Variants in PIGK observed in about 807,000 individuals in gnomAD.
The protein encoded by PIGK is phosphatidylinositol glycan anchor biosynthesis class K, also known as GPI-anchor transamidase.
PIGK carries 42 observed loss-of-function variants against 50.6 expected under a neutral mutation model. The observed-to-expected ratio is 0.83, with a 90% CI of 0.65 to 1.07. The LOEUF is 1.07. PIGK is among the 50% of genes least tolerant of loss of function. The pLI, the probability that PIGK is intolerant of heterozygous loss-of-function variation, is 0.00. For missense variants in PIGK, 448 were observed against 488.7 expected, an observed-to-expected ratio of 0.92 and a Z score of 0.78; for synonymous variants, 151 against 156.0, an observed-to-expected ratio of 0.97 and a Z score of 0.24.
At chr1:77,101,206 G>C (rs1653532809) in intron 10 of PIGK, among the ~76,000 whole-genome samples, 1 of 152,204 alleles carries the variant, frequency 6.6e-6, no homozygotes, top group South Asian at 2.1e-4. Flanking sequence ...AGTTCCTTGG[G>C]TGGAATAACA....
At chr1:77,217,376 G>T (rs1400690109) in intron 1 of PIGK, among the ~76,000 whole-genome samples, 1 of 152,196 alleles carries the variant, frequency 6.6e-6, no homozygotes, top group Non-Finnish European at 1.5e-5. Flanking sequence ...AGGGGAGACA[G>T]CTCTAATGTG....
intron 8 of PIGK, among the ~76,000 whole-genome samples, chr1:77,158,877 C>T (rs1028241000): frequency 6.6e-6 from 1 of 152,154 alleles, no homozygotes; most frequent in Non-Finnish European, 1.5e-5. Context: ...AGAAAATTTG[C>T]ATCCTGACAA....
chr1:77,200,158 C>T (rs1042770605), intron 3 of PIGK, among the ~76,000 whole-genome samples: 1 of 152,002 alleles, frequency 6.6e-6, no homozygotes, highest in Non-Finnish European at 1.5e-5. Flanking sequence ...ATAATTCTAA[C>T]AGTTATGTGT....
intron 9 of PIGK, among the ~76,000 whole-genome samples, chr1:77,136,896 A>C (rs1178135825): frequency 6.6e-6 from 1 of 152,132 alleles, no homozygotes; most frequent in Non-Finnish European, 1.5e-5. Context: ...CTTTAGATCT[A>C]TCTTATTTTA....
At chr1:77,097,589 A>T (rs186300219) in intron 10 of PIGK, among the ~76,000 whole-genome samples, 124 of 152,208 alleles carry the variant, frequency 8.1e-4, no homozygotes, top group African/African-American at 2.8e-3. Flanking sequence ...TTTTTCCTTA[A>T]TCGTGATTTT....
intron 10 of PIGK, among the ~76,000 whole-genome samples, chr1:77,104,268 A>G (rs747681182): frequency 6.6e-6 from 1 of 152,146 alleles, no homozygotes; most frequent in African/African-American, 2.4e-5. Context: ...CTAGAAAAAG[A>G]CTTATGAAAA....
chr1:77,170,572 T>C (rs370021978), intron 3 of PIGK, among the ~76,000 whole-genome samples: 2 of 152,206 alleles, frequency 1.3e-5, no homozygotes, highest in East Asian at 3.8e-4. Context: ...ATATCTGTCC[T>C]GTTCACCACT....
intron 1 of PIGK, among the ~76,000 whole-genome samples, chr1:77,211,259 T>C (rs1656413847): frequency 6.6e-6 from 1 of 151,922 alleles, no homozygotes; most frequent in Non-Finnish European, 1.5e-5. Flanking sequence ...TTTTAATAAA[T>C]ATTTTTTGAA....
intron 3 of PIGK, among the ~76,000 whole-genome samples, chr1:77,191,983 G>A (rs865742): frequency 0.99 from 150,869 of 152,340 alleles, 74,723 homozygotes; most frequent in Middle Eastern, 1. Flanking sequence ...CAAAGAAATC[G>A]AATTCTATTC....
intron 10 of PIGK, among the ~76,000 whole-genome samples, chr1:77,093,583 T>A (rs1653345787): frequency 6.6e-6 from 1 of 152,158 alleles, no homozygotes; most frequent in Non-Finnish European, 1.5e-5. Context: ...TTAACTTGAA[T>A]CATAATTCTA....
At chr1:77,211,831 T>C (rs839807) in intron 1 of PIGK, among the ~76,000 whole-genome samples, 6,252 of 149,696 alleles carry the variant, frequency 0.042, 345 homozygotes, top group African/African-American at 0.13. Flanking sequence ...CTGGGAGATA[T>C]AATTGAAAGA....
intron 10 of PIGK, among the ~76,000 whole-genome samples, chr1:77,110,601 AAATT>A (rs879407784): frequency 3.2e-4 from 49 of 152,310 alleles, no homozygotes; most frequent in Non-Finnish European, 6.2e-4. Context: ...CCTTATACAA[AAATT>A]AATTCAAGAT....
At chr1:77,211,244 T>C (rs1656413614) in intron 1 of PIGK, among the ~76,000 whole-genome samples, 1 of 151,892 alleles carries the variant, frequency 6.6e-6, no homozygotes, top group Non-Finnish European at 1.5e-5. Context: ...TGGCATATAG[T>C]GGGTTTTTAA....
chr1:77,186,853 C>T (rs991812668), intron 3 of PIGK, among the ~76,000 whole-genome samples: 9 of 152,144 alleles, frequency 5.9e-5, no homozygotes, highest in African/African-American at 2.2e-4. Flanking sequence ...CAATATGGCA[C>T]CATTCCTCGG....
chr1:77,139,203 G>A (rs190864312), intron 9 of PIGK, among the ~76,000 whole-genome samples: 99 of 151,994 alleles, frequency 6.5e-4, no homozygotes, highest in African/African-American at 2.1e-3. Flanking sequence ...ACATTCATTC[G>A]GCACTTGAGT....
chr1:77,156,895 T>C (rs1655021022), intron 8 of PIGK, among the ~76,000 whole-genome samples: 1 of 152,182 alleles, frequency 6.6e-6, no homozygotes, highest in Non-Finnish European at 1.5e-5. Context: ...ACACCTCGCA[T>C]TCAAGAAGCT....
intron 9 of PIGK, among the ~76,000 whole-genome samples, chr1:77,149,015 A>C (rs1377778817): frequency 6.6e-6 from 1 of 152,122 alleles, no homozygotes; most frequent in African/African-American, 2.4e-5. Flanking sequence ...ACGCCCAGCC[A>C]TATCAGTTTT....
At chr1:77,109,847 T>C (rs1251190168) in intron 10 of PIGK, among the ~76,000 whole-genome samples, 2 of 152,178 alleles carry the variant, frequency 1.3e-5, no homozygotes, top group Non-Finnish European at 2.9e-5. Flanking sequence ...GACATGATTG[T>C]ATATCTAGAA....
intron 10 of PIGK, among the ~76,000 whole-genome samples, chr1:77,096,551 G>C (rs1422358187): frequency 1.3e-5 from 2 of 152,132 alleles, no homozygotes; most frequent in Non-Finnish European, 2.9e-5. Flanking sequence ...CTACAGAAGA[G>C]CCGAGCTTCC....
Sources: allele counts gnomAD v4.1 joint callset (sites outside exome capture counted in the v4.1 genomes callset), GRCh38; gene constraint gnomAD v4.1.1; transcripts MANE v1.5; gene names NCBI Gene and HGNC (gene_info 2026-07-23, HGNC 2026-07-21).